LDLRAD4: variants seen among roughly 807,000 people sequenced by gnomAD.
The protein encoded by LDLRAD4 is low-density lipoprotein receptor class A domain-containing protein 4.
Under a neutral mutation model 17.0 loss-of-function variants are expected in LDLRAD4, and 5 were observed. The ratio of observed to expected loss-of-function variants is 0.29; its 90% confidence interval spans 0.15 to 0.62. The LOEUF (loss-of-function observed/expected upper bound fraction) is 0.62, where lower values mean the gene tolerates loss of function less well. LDLRAD4 is among the 20% of genes least tolerant of loss of function. The pLI, the probability that LDLRAD4 is intolerant of heterozygous loss-of-function variation, is 0.84. For synonymous variants in LDLRAD4, 168 were observed against 171.8 expected (o/e 0.98, Z 0.17); for missense variants, 340 against 424.7 (o/e 0.80, Z 1.75).
chr18:13,285,149 A>C (rs2045547657), intron 1 of LDLRAD4, among the ~76,000 whole-genome samples: 1 of 152,200 alleles, frequency 6.6e-6, no homozygotes. Flanking sequence ...CGAAATGTGA[A>C]GGAGACAGGC....
At chr18:13,371,453 A>G (rs1461864840) in intron 1 of LDLRAD4, among the ~76,000 whole-genome samples, 2 of 152,174 alleles carry the variant, frequency 1.3e-5, no homozygotes, top group Non-Finnish European at 2.9e-5. Context: ...TGCACTGTCC[A>G]CTAGGGAGGC....
intron 3 of LDLRAD4, among the ~76,000 whole-genome samples, chr18:13,607,635 C>T (rs905166078): frequency 6.6e-6 from 1 of 152,098 alleles, no homozygotes; most frequent in Non-Finnish European, 1.5e-5. Context: ...GTGATGTTCC[C>T]CTCCTTGTGT....
intron 1 of LDLRAD4, among the ~76,000 whole-genome samples, chr18:13,311,387 G>A (rs1230836319): frequency 1.3e-5 from 2 of 152,184 alleles, no homozygotes; most frequent in African/African-American, 2.4e-5. Context: ...GCGGTGTTGC[G>A]GGTGGCAGGA....
intron 3 of LDLRAD4, among the ~76,000 whole-genome samples, chr18:13,498,221 A>G (rs963879597): frequency 2.0e-5 from 3 of 150,468 alleles, no homozygotes; most frequent in Non-Finnish European, 3.0e-5. Flanking sequence ...GACACTGGAG[A>G]ATCCTTCTCC....
intron 1 of LDLRAD4, among the ~76,000 whole-genome samples, chr18:13,236,016 C>T (rs2042312526): frequency 6.6e-6 from 1 of 152,148 alleles, no homozygotes; most frequent in African/African-American, 2.4e-5. Context: ...TCCCAGTTAA[C>T]TAGATTTGCT....
intron 3 of LDLRAD4, among the ~76,000 whole-genome samples, chr18:13,576,758 C>A (rs1054092091): frequency 3.9e-5 from 6 of 152,188 alleles, no homozygotes; most frequent in Admixed American, 1.3e-4. Flanking sequence ...TGCAGTCATC[C>A]TTCCCAGCTG....
chr18:13,315,168 C>A (rs2080860938), intron 1 of LDLRAD4, among the ~76,000 whole-genome samples: 1 of 152,118 alleles, frequency 6.6e-6, no homozygotes, highest in African/African-American at 2.4e-5. Context: ...TCACAAAAGA[C>A]CGGGACTCAG....
At position 13,296,941 on chromosome 18, in the gene LDLRAD4, G is replaced by A. The variant is rs573416904; in HGVS notation, c.-383+18753G>A. 2.7e-4 allele frequency among the ~76,000 whole-genome samples: 41 copies of A among 152,298 alleles called. No homozygotes were observed. The Middle Eastern group carries it at 0.01, about 38-fold the overall frequency. On this transcript the variant is annotated intron_variant, in intron 1 of 5. Coordinates refer to ENST00000359446, the Ensembl canonical transcript of LDLRAD4. Reference sequence around the variant, plus strand: ...GGGTTTCTGGAGCCACCATGGACTCGTTATGTGCCCTGGGCAGTCAGTTCA... The same window carrying A: ...GGGTTTCTGGAGCCACCATGGACTCATTATGTGCCCTGGGCAGTCAGTTCA...
At position 13,621,026 on chromosome 18, in the gene LDLRAD4, A is replaced by G; in HGVS notation, c.182-91A>G. The G allele has an allele frequency of 2.5e-6, 4 of 1,589,134 alleles. No homozygotes were observed. The highest frequency in any genetic ancestry group is 3.4e-6 in the Non-Finnish European group (4 of 1,162,014). On this transcript the variant is annotated intron_variant, in intron 3 of 5. Transcript: ENST00000359446. This position sits in a 1 kb window ranked among gnomAD's most constrained non-coding sequence, Gnocchi z 5.5. ...GAACAGACGTGTGTGAGAGGCCTTC[A>G]GGGCCTGATGGCTGGGGTGGTGACA...
At chr18:13,394,482 A>G (rs2086505781) in intron 2 of LDLRAD4, among the ~76,000 whole-genome samples, 2 of 152,262 alleles carry the variant, frequency 1.3e-5, no homozygotes, top group African/African-American at 4.8e-5. Flanking sequence ...ATAGCTGTTA[A>G]ATAGCTAAAA....
chr18:13,612,522 G>A lies in LDLRAD4; in HGVS notation c.182-8595G>A, dbSNP rs2039670667. The stretch of plus-strand genomic sequence containing the variant: ...GCCCTGCTGATACAGTAGAGAGAGA[G>A]TGAACGAGGCAGACAGAAACACACC... On this transcript the variant is annotated intron_variant, in intron 3 of 5. Transcript: ENST00000359446. 3.5e-6 allele frequency: 5 copies of A among 1,422,658 alleles called. No homozygotes were observed. The South Asian group carries it at 4.5e-5, about 13-fold the overall frequency. The allele number at this position is 1,422,658 out of a possible 1,614,324, so 88.1% of individuals were successfully genotyped here.
At chr18:13,594,665 CAAAAA>C (rs56035558) in intron 3 of LDLRAD4, among the ~76,000 whole-genome samples, 1,765 of 29,550 alleles carry the variant, frequency 0.06, 43 homozygotes, top group African/African-American at 0.14. Context: ...GATTCCATCT[CAAAAA>C]AAAAAAAAAA....
chr18:13,261,624 C>G (rs896810181), intron 1 of LDLRAD4, among the ~76,000 whole-genome samples: 9 of 152,198 alleles, frequency 5.9e-5, no homozygotes, highest in Admixed American at 5.2e-4. Flanking sequence ...CGCACTCGTT[C>G]CATCAACCGT....
chr18:13,319,233 C>G (rs930799), intron 1 of LDLRAD4, among the ~76,000 whole-genome samples: 2 of 152,034 alleles, frequency 1.3e-5, no homozygotes, highest in Admixed American at 6.5e-5. Flanking sequence ...AATCGATTGT[C>G]GTAATGAACA....
chr18:13,276,876 C>G (rs1225926520), upstream of LDLRAD4, among the ~76,000 whole-genome samples: 2 of 152,182 alleles, frequency 1.3e-5, no homozygotes, highest in Non-Finnish European at 2.9e-5. Flanking sequence ...TTCTGCCCAC[C>G]ACAGTACCTT....
At chr18:13,420,084 C>T (rs2089307300) in intron 2 of LDLRAD4, 1 of 152,186 alleles carries the variant, frequency 6.6e-6, no homozygotes, top group African/African-American at 2.4e-5. Context: ...GGGGGGTTCT[C>T]AGGACACAGC....
At chr18:13,596,946 T>C (rs2095103202) in intron 3 of LDLRAD4, among the ~76,000 whole-genome samples, 1 of 152,208 alleles carries the variant, frequency 6.6e-6, no homozygotes, top group South Asian at 2.1e-4. Flanking sequence ...TTAAGTTAAT[T>C]AAGAGAAGAA....
At chr18:13,370,708 G>GTTGTGTTTTTTT (rs1568061711) in intron 1 of LDLRAD4, among the ~76,000 whole-genome samples, 8 of 13,504 alleles carry the variant, frequency 5.9e-4, no homozygotes, top group Non-Finnish European at 1.7e-3. Context: ...ATGGTTTTTT[G>GTTGTGTTTTTTT]TTTTGTTTTT....
At chr18:13,320,735 C>T (rs531001296) in intron 1 of LDLRAD4, among the ~76,000 whole-genome samples, 3 of 152,282 alleles carry the variant, frequency 2.0e-5, no homozygotes, top group South Asian at 4.1e-4. Context: ...AGGGTGGAGC[C>T]GGGGAGCAAT....
Sources: allele counts gnomAD v4.1 joint callset (sites outside exome capture counted in the v4.1 genomes callset), GRCh38; gene constraint gnomAD v4.1.1; non-coding constraint Gnocchi (gnomAD v3.1); transcripts MANE v1.5; gene names NCBI Gene and HGNC (gene_info 2026-07-23, HGNC 2026-07-21).